BTBD8: variants seen among roughly 807,000 people sequenced by gnomAD.
BTBD8 encodes the protein BTB domain containing 8.
A neutral mutation model predicts 162.9 loss-of-function variants in BTBD8; 110 were observed. The observed-to-expected ratio is 0.68, with a 90% CI of 0.58 to 0.79. BTBD8 has a LOEUF of 0.79. BTBD8 is among the 30% of genes least tolerant of loss of function. The probability of loss-of-function intolerance (pLI) is 0.00; values close to 1 mark genes in which losing one functional copy is unlikely to be tolerated. For synonymous variants in BTBD8, 667 were observed against 716.1 expected, an observed-to-expected ratio of 0.93 and a Z score of 1.10; for missense variants, 1,905 against 2,085.4, an observed-to-expected ratio of 0.91 and a Z score of 1.68.
intron 2 of BTBD8, among the ~76,000 whole-genome samples, chr1:92,101,763 T>A (rs1452914176): frequency 6.6e-6 from 1 of 152,210 alleles, no homozygotes; most frequent in Non-Finnish European, 1.5e-5. Flanking sequence ...AGTGGCATGA[T>A]CACAGCTCAC....
At chr1:92,105,179 G>A (rs1469425459) in intron 3 of BTBD8, among the ~76,000 whole-genome samples, 3 of 152,082 alleles carry the variant, frequency 2.0e-5, no homozygotes, top group Non-Finnish European at 2.9e-5. Flanking sequence ...TGATCCGCCC[G>A]CCTCAGCCTG....
chr1:92,111,004 T>C (rs188985219), intron 4 of BTBD8, among the ~76,000 whole-genome samples: 2 of 152,220 alleles, frequency 1.3e-5, no homozygotes, highest in Admixed American at 6.5e-5. Context: ...TTTTTTTTTT[T>C]TTCCTAAGAC....
intron 4 of BTBD8, among the ~76,000 whole-genome samples, chr1:92,109,405 T>G (rs368287314): frequency 6.6e-6 from 1 of 152,134 alleles, no homozygotes; most frequent in East Asian, 1.9e-4. Flanking sequence ...CTGTGACCAT[T>G]TCCAATATGT....
At chr1:92,171,106 A>G (rs544692278) in intron 12 of BTBD8, among the ~76,000 whole-genome samples, 63 of 152,068 alleles carry the variant, frequency 4.1e-4, no homozygotes, top group Admixed American at 1.2e-3. Flanking sequence ...AGTTTGAGAA[A>G]ATTCTCATGT....
At chr1:92,154,698 A>G (rs913039201) in intron 9 of BTBD8, among the ~76,000 whole-genome samples, 1 of 152,102 alleles carries the variant, frequency 6.6e-6, no homozygotes, top group Non-Finnish European at 1.5e-5. Flanking sequence ...TATGACATGT[A>G]TGGTTTGCAG....
At chr1:92,112,047 A>G (rs997791914) in intron 4 of BTBD8, among the ~76,000 whole-genome samples, 1 of 152,184 alleles carries the variant, frequency 6.6e-6, no homozygotes, top group Non-Finnish European at 1.5e-5. Context: ...TGAAAGAGAA[A>G]AGTTATTGTT....
At chr1:92,109,151 AT>A (rs1648821235) in intron 4 of BTBD8, among the ~76,000 whole-genome samples, 1 of 152,138 alleles carries the variant, frequency 6.6e-6, no homozygotes, top group Non-Finnish European at 1.5e-5. Flanking sequence ...AGGTTGCAAA[AT>A]TCAGAATATA....
At position 92,181,581 on chromosome 1, in the gene BTBD8, A is replaced by G; in HGVS notation, c.3898A>G (p.Ser1300Gly). Residue 1300 changes from serine (S) to glycine (G), a missense_variant, in exon 17 of 18, where the codon AGT (serine) becomes GGT (glycine). This residue lies in a region of BTBD8 where 517 missense variants were observed against 606.6 expected (regional missense o/e 0.85). Transcript: ENST00000636805. ...GCTGTGCCATGATTTTCTTGGAAGAAGTAGCAGTGATACCAGTACTCCTGA... is the reference window on the plus strand; with the variant it reads ...GCTGTGCCATGATTTTCTTGGAAGAGGTAGCAGTGATACCAGTACTCCTGA... ...TMLCHDFLGR[S>G]SSDTSTPEEL... 6.4e-7 allele frequency: 1 copy of G among 1,551,628 alleles called. No individual in the cohort carries two copies. The highest frequency in any genetic ancestry group is 8.7e-7 in the Non-Finnish European group (1 of 1,146,880).
rs1334382283 is a variant in BTBD8 at position 92,167,073 on chromosome 1, G to C, written c.1238G>C (p.Cys413Ser). The C allele has an allele frequency of 1.3e-6, 2 of 1,550,588 alleles. No individual in the cohort carries two copies. Among genetic ancestry groups the C allele is most frequent in the South Asian group, 2.4e-5 (2 of 84,060 alleles). The stretch of plus-strand genomic sequence containing the variant: ...ATGGCGTCTCAGCTTCAAGAAAAAT[G>C]TATTGCATTTATTGTAGACAACTTC... ...LTMASQLQEKCIAFIVDNFSK... is the reference protein window; with the variant it reads ...LTMASQLQEKSIAFIVDNFSK... Residue 413 changes from cysteine to serine, a missense_variant, in exon 10 of 18, where the codon TGT (cysteine) becomes TCT (serine). Coordinates refer to ENST00000636805, the MANE Select transcript of BTBD8 (RefSeq NM_001376131.1).
chr1:92,166,995 A>G lies in BTBD8; in HGVS notation c.1160A>G (p.Asp387Gly), dbSNP rs775001212. Residue 387 changes from aspartate to glycine, a missense_variant, in exon 10 of 18, where the codon GAC (aspartate) becomes GGC (glycine). By Grantham distance (94) the Asp-to-Gly change is moderately conservative (BLOSUM62 -1). This residue lies in a region of BTBD8 where 1,374 missense variants were observed against 1,442.7 expected (regional missense o/e 0.95). Coordinates refer to ENST00000636805, the MANE Select transcript of BTBD8 (RefSeq NM_001376131.1). ...KNAAFLLMES[D>G]RLIISLPRVK... ...GCTGCTTTTCTTCTGATGGAAAGTG[A>G]CAGGCTAATCATCAGTTTACCCAGA... The G allele has an allele frequency of 1.3e-5, 20 of 1,549,838 alleles. No homozygotes were observed. The highest frequency in any genetic ancestry group is 1.7e-5 in the Non-Finnish European group (19 of 1,146,702).
intron 9 of BTBD8, among the ~76,000 whole-genome samples, chr1:92,156,982 G>C (rs1185015588): frequency 6.7e-6 from 1 of 149,446 alleles, no homozygotes; most frequent in Admixed American, 6.7e-5. Context: ...TTCAGGCTTA[G>C]TTTCTTTTTT....
chr1:92,111,287 C>T (rs1648888389), intron 4 of BTBD8, among the ~76,000 whole-genome samples: 1 of 152,274 alleles, frequency 6.6e-6, no homozygotes, highest in Admixed American at 6.5e-5. Context: ...GCCACTGCAC[C>T]TGGCCCCATC....
intron 2 of BTBD8, among the ~76,000 whole-genome samples, chr1:92,090,453 T>C (rs992405075): frequency 2.2e-4 from 34 of 152,342 alleles, no homozygotes; most frequent in Middle Eastern, 3.4e-3. Context: ...TGGAGAACTA[T>C]CTACATCCTT....
intron 4 of BTBD8, among the ~76,000 whole-genome samples, chr1:92,116,976 G>A (rs1363006921): frequency 4.0e-5 from 6 of 151,548 alleles, no homozygotes; most frequent in Non-Finnish European, 2.9e-5. Context: ...AGCCTCCTGA[G>A]TAGCTGGGAC....
intron 6 of BTBD8, among the ~76,000 whole-genome samples, 169 bp from the exon 7 acceptor site, chr1:92,140,946 C>T (rs1219380630): frequency 2.0e-5 from 3 of 152,018 alleles, no homozygotes; most frequent in Non-Finnish European, 4.4e-5. Context: ...TGGCCTATGC[C>T]CTGTTTATAA....
chr1:92,122,053 A>T (rs1367948799), intron 4 of BTBD8, among the ~76,000 whole-genome samples: 1 of 152,098 alleles, frequency 6.6e-6, no homozygotes, highest in Non-Finnish European at 1.5e-5. Flanking sequence ...CTAGAATTTC[A>T]TGTAAATGGA....
At chr1:92,150,691 A>G (rs1398909861) in intron 9 of BTBD8, 1 of 152,164 alleles carries the variant, frequency 6.6e-6, no homozygotes, top group Non-Finnish European at 1.5e-5. Context: ...CGCAGGGTGC[A>G]CTCACAGCAC....
Position 92,177,360 on chromosome 1 carries a change from GC to G in BTBD8, c.2168del (p.Ala723GlufsTer49). ...GAAGGATTCACCATGCCTCAGCATCGCAGGACCCTCCAGCAGATCCACAGAT... is the reference window on the plus strand; with the variant it reads ...GAAGGATTCACCATGCCTCAGCATCGAGGACCCTCCAGCAGATCCACAGAT... ...TGKDSPCLSI[A>X]GPSSRSTDSS... On this transcript the variant is annotated frameshift_variant, in exon 14 of 18. Coordinates refer to ENST00000636805, the MANE Select transcript of BTBD8 (RefSeq NM_001376131.1). LOFTEE classifies it high-confidence loss of function. 6.4e-7 allele frequency: 1 copy of G among 1,551,756 alleles called. No individual in the cohort carries two copies. The highest frequency in any genetic ancestry group is 8.7e-7 in the Non-Finnish European group (1 of 1,147,024).
At chr1:92,124,960 T>G (rs1349916033) in intron 4 of BTBD8, among the ~76,000 whole-genome samples, 1 of 152,136 alleles carries the variant, frequency 6.6e-6, no homozygotes, top group Middle Eastern at 3.2e-3. Flanking sequence ...CTATTTTTAT[T>G]TTTATTTTCT....
Sources: allele counts gnomAD v4.1 joint callset (sites outside exome capture counted in the v4.1 genomes callset), GRCh38; gene constraint gnomAD v4.1.1; regional missense constraint gnomAD v4.1.1; transcripts MANE v1.5; gene names NCBI Gene and HGNC (gene_info 2026-07-23, HGNC 2026-07-21).